The following LCP2 variants were observed in gnomAD, a reference collection of about 807,000 sequenced individuals.
LCP2 encodes the protein 76 kDa tyrosine phosphoprotein.
A neutral mutation model predicts 74.5 loss-of-function variants in LCP2; 29 were observed. The observed-to-expected ratio is 0.39, with a 90% CI of 0.29 to 0.53. The LOEUF (loss-of-function observed/expected upper bound fraction) is 0.53. LCP2 is among the 20% of genes least tolerant of loss of function. The pLI is 0.72. For synonymous variants in LCP2, 228 were observed against 229.5 expected (o/e 0.99, Z 0.06); for missense variants, 604 against 634.6 (o/e 0.95, Z 0.52).
At chr5:170,271,243 T>A (rs1761892945) in intron 6 of LCP2, among the ~76,000 whole-genome samples, 1 of 152,124 alleles carries the variant, frequency 6.6e-6, no homozygotes, top group Non-Finnish European at 1.5e-5. Context: ...AGTAAACACA[T>A]TTTTTGCTCC....
intron 3 of LCP2, among the ~76,000 whole-genome samples, chr5:170,287,349 G>T (rs971879026): frequency 1.3e-5 from 2 of 152,172 alleles, no homozygotes; most frequent in African/African-American, 4.8e-5. Context: ...ACCATTTATA[G>T]CACCTGCCTG....
chr5:170,273,189 G>A (rs1445385330), intron 6 of LCP2, among the ~76,000 whole-genome samples: 2 of 152,172 alleles, frequency 1.3e-5, no homozygotes, highest in Admixed American at 6.5e-5. Flanking sequence ...GAGCTGCCAA[G>A]CTCTATAGCC....
Position 170,290,982 on chromosome 5 carries a change from A to C in LCP2, c.141+2328T>G, listed in dbSNP as rs371456219. ...AAAGAAAGAAAGAAAGAAAGAAAGA[A>C]AGAAAGAAAGAAAGAAAGAGAGAAA... is the stretch of plus-strand genomic sequence containing the variant. On this transcript the variant is annotated intron_variant, in intron 2 of 20. Coordinates refer to ENST00000046794, the MANE Select transcript of LCP2 (RefSeq NM_005565.5). Among the ~76,000 whole-genome samples, 4 of 61,586 alleles carry C rather than the reference A, an allele frequency of 6.5e-5. No individual in the cohort carries two copies. In the South Asian group the frequency reaches 1.8e-3, roughly 28 times the overall value. The allele number at this position is 61,586 out of a possible 152,430, so 40.4% of individuals were successfully genotyped here. A position where few individuals can be genotyped will look rare whatever the true frequency, so the allele number is the denominator to read the frequency against.
intron 3 of LCP2, among the ~76,000 whole-genome samples, chr5:170,281,211 A>G (rs1272984981): frequency 6.6e-6 from 1 of 152,090 alleles, no homozygotes; most frequent in Non-Finnish European, 1.5e-5. Context: ...GACGGCAATT[A>G]GCCACTGAAT....
chr5:170,248,505 G>A lies in LCP2; in HGVS notation c.*192C>T. The stretch of plus-strand genomic sequence containing the variant: ...ACTCATGCACTTTACAAACATTGAA[G>A]AAGAATAAATAAATTATGGGATAGT... On this transcript the variant is annotated 3_prime_UTR_variant, in exon 21 of 21. Transcript: ENST00000046794. The A allele has an allele frequency of 1.8e-6, 1 of 568,840 alleles. No homozygotes were observed. Among genetic ancestry groups the A allele is most frequent in the Non-Finnish European group, 3.1e-6 (1 of 322,494 alleles). 35.2% of individuals were successfully genotyped at this position (568,840 alleles called of 1,614,324 possible).
In LCP2 at chr5:170,256,732, C is replaced by G. The variant is rs1761559991; in HGVS notation, c.1101-157G>C. ...ATGGGGGCTGGGCACAGGGACAGAA[C>G]ACAGCACACAGGGAATGGAACTACA... On this transcript the variant is annotated intron_variant, in intron 16 of 20. Transcript: ENST00000046794. The surrounding 1 kb of genome is among the most constrained non-coding windows in gnomAD (Gnocchi z 4.5). Among the ~76,000 whole-genome samples the G allele has an allele frequency of 6.6e-6, 1 of 152,144 alleles. No individual in the cohort carries two copies. The highest frequency in any genetic ancestry group is 2.4e-5 in the African/African-American group (1 of 41,434).
intron 6 of LCP2, among the ~76,000 whole-genome samples, chr5:170,273,041 T>TAAAAA (rs10675735): frequency 1.8e-3 from 270 of 147,638 alleles, no homozygotes; most frequent in African/African-American, 6.6e-3. Flanking sequence ...ATAAACTCCT[T>TAAAAA]AAAAAAAAAA....
At chr5:170,265,910 C>T (rs1203743030) in intron 10 of LCP2, among the ~76,000 whole-genome samples, 1 of 152,188 alleles carries the variant, frequency 6.6e-6, no homozygotes, top group Admixed American at 6.5e-5. Context: ...GGGTCCTCAA[C>T]TGCAGCCTGA....
intron 14 of LCP2, among the ~76,000 whole-genome samples, chr5:170,259,186 G>A (rs1761611990): frequency 6.6e-6 from 1 of 152,114 alleles, no homozygotes; most frequent in East Asian, 1.9e-4. Flanking sequence ...TCTACAATGT[G>A]TCCAAAAGAT....
At chr5:170,294,044 C>A (rs1024880673) in intron 1 of LCP2, among the ~76,000 whole-genome samples, 2 of 152,124 alleles carry the variant, frequency 1.3e-5, no homozygotes, top group Admixed American at 1.3e-4. Flanking sequence ...ATCATTTAAC[C>A]CTCACATTTT....
chr5:170,278,942 G>A (rs1246472363), intron 3 of LCP2, among the ~76,000 whole-genome samples: 4 of 152,200 alleles, frequency 2.6e-5, no homozygotes, highest in African/African-American at 9.7e-5. Flanking sequence ...CACTGCCAGG[G>A]TCTGGTGGAC....
At chr5:170,257,655 C>T (rs1014886864) in intron 16 of LCP2, among the ~76,000 whole-genome samples, 2 of 152,120 alleles carry the variant, frequency 1.3e-5, no homozygotes, top group Middle Eastern at 3.2e-3. Flanking sequence ...AAGCACGAGG[C>T]GCATTTTCTC....
chr5:170,293,386 G>C lies in LCP2; in HGVS notation c.79-14C>G, dbSNP rs1217338557. On this transcript the variant is annotated splice_polypyrimidine_tract_variant and intron_variant, in intron 1 of 20. Transcript: ENST00000046794. ...CTTATAGTTGAGCTGCAAAGAGAAG[G>C]GGAAGGTGTTGTTAGTGACGGGCAG... 4.4e-6 allele frequency: 7 copies of C among 1,582,816 alleles called. 1 individual carries two copies. Among genetic ancestry groups the C allele is most frequent in the Non-Finnish European group, 6.0e-6 (7 of 1,163,656 alleles).
At chr5:170,269,127 C>A (rs983817528) in intron 7 of LCP2, among the ~76,000 whole-genome samples, 9 of 152,196 alleles carry the variant, frequency 5.9e-5, no homozygotes, top group Non-Finnish European at 7.3e-5. Flanking sequence ...AGCTGATCAC[C>A]AACTTCTGTT....
At position 170,266,119 on chromosome 5, in the gene LCP2, C is replaced by T. The variant is rs911317155; in HGVS notation, c.772+689G>A. ...TTTGTGGTAGGTAGAGCACTTGCCC[C>T]ATAGCAGTTGCTCAATAAATGGTAG... is the stretch of plus-strand genomic sequence containing the variant. On this transcript the variant is annotated intron_variant, in intron 10 of 20. Transcript: ENST00000046794. 3.2e-4 allele frequency among the ~76,000 whole-genome samples: 48 copies of T among 152,144 alleles called. 1 individual carries two copies. The highest frequency in any genetic ancestry group is 4.4e-5 in the Non-Finnish European group (3 of 68,026).
chr5:170,273,102 T>C (rs1164822567), intron 6 of LCP2, among the ~76,000 whole-genome samples: 2 of 151,870 alleles, frequency 1.3e-5, no homozygotes. Context: ...GTATCCATAC[T>C]GTAAAATGCT....
At chr5:170,262,219 C>T (rs1158355685) in intron 13 of LCP2, among the ~76,000 whole-genome samples, 2 of 152,124 alleles carry the variant, frequency 1.3e-5, no homozygotes, top group Non-Finnish European at 2.9e-5. Context: ...TGTGGTTGAG[C>T]AGTAAGGAAG....
intron 16 of LCP2, among the ~76,000 whole-genome samples, chr5:170,257,817 A>G (rs1380567330): frequency 6.6e-6 from 1 of 152,070 alleles, no homozygotes; most frequent in Non-Finnish European, 1.5e-5. Context: ...GAGGAAGTCA[A>G]TTCCTCACCC....
rs766891033 is a variant in LCP2 at position 170,253,103 on chromosome 5, AAAC to A, written c.1245+13_1245+15del. ...GGAAAAGGCAAACAAACAAAAATAAAAACATGCTCTCTTACCTCTTCCTCCGCG... is the reference window on the plus strand; with the variant it reads ...GGAAAAGGCAAACAAACAAAAATAAAATGCTCTCTTACCTCTTCCTCCGCG... On this transcript the variant is annotated intron_variant, in intron 18 of 20. Transcript: ENST00000046794. The A allele has an allele frequency of 6.4e-7, 1 of 1,560,726 alleles. No homozygotes were observed. The highest frequency in any genetic ancestry group is 8.8e-7 in the Non-Finnish European group (1 of 1,138,810).
Sources: allele counts gnomAD v4.1 joint callset (sites outside exome capture counted in the v4.1 genomes callset), GRCh38; gene constraint gnomAD v4.1.1; non-coding constraint Gnocchi (gnomAD v3.1); transcripts MANE v1.5; gene names NCBI Gene and HGNC (gene_info 2026-07-23, HGNC 2026-07-21).